Variants in RAPGEF4 observed in about 807,000 individuals in gnomAD.
The protein encoded by RAPGEF4 is Rap guanine nucleotide exchange factor 4, also known as RAP guanine-nucleotide-exchange factor (GEF) 4.
In RAPGEF4, 66 loss-of-function variants were observed where a neutral mutation model predicts 147.9. That is an observed-to-expected ratio of 0.45 (90% CI 0.37 to 0.55). The LOEUF (loss-of-function observed/expected upper bound fraction) is 0.55. RAPGEF4 is among the 20% of genes least tolerant of loss of function. The pLI, the probability that RAPGEF4 is intolerant of heterozygous loss-of-function variation, is 0.00. For missense variants in RAPGEF4, 1,071 were observed against 1,257.3 expected (o/e 0.85, Z 2.24); for synonymous variants, 419 against 442.7 (o/e 0.95, Z 0.67).
At chr2:172,832,363 G>A (rs1690453810) in intron 4 of RAPGEF4, among the ~76,000 whole-genome samples, 1 of 152,070 alleles carries the variant, frequency 6.6e-6, no homozygotes, top group Non-Finnish European at 1.5e-5. Context: ...GTACAGACAA[G>A]GCTAACTACA....
intron 6 of RAPGEF4, among the ~76,000 whole-genome samples, chr2:172,954,133 C>T (rs1175404977): frequency 1.3e-5 from 2 of 152,108 alleles, no homozygotes; most frequent in Non-Finnish European, 2.9e-5. Context: ...AGGTAAAACT[C>T]ACATAGTGTG....
At chr2:172,916,025 T>C (rs1451752907) in intron 4 of RAPGEF4, among the ~76,000 whole-genome samples, 1 of 152,164 alleles carries the variant, frequency 6.6e-6, no homozygotes, top group Non-Finnish European at 1.5e-5. Context: ...TAGTAGATGC[T>C]CAATATGCAC....
At chr2:172,759,292 A>G (rs1415539149) in intron 1 of RAPGEF4, among the ~76,000 whole-genome samples, 3 of 152,236 alleles carry the variant, frequency 2.0e-5, no homozygotes, top group Non-Finnish European at 4.4e-5. Context: ...TTTTGCATAC[A>G]AAGTGCAGGG....
chr2:172,857,873 C>G (rs1231966253), intron 4 of RAPGEF4, among the ~76,000 whole-genome samples: 2 of 94,538 alleles, frequency 2.1e-5, no homozygotes, highest in Admixed American at 1.6e-4. Context: ...CAGAGCAAGA[C>G]CCTGTCTCAA....
Position 173,048,603 on chromosome 2 carries a change from A to T in RAPGEF4, c.2857A>T (p.Met953Leu). The change falls in exon 30 of 31, where the codon ATG becomes TTG. Residue 953 changes from methionine to leucine, a missense_variant. Transcript: ENST00000397081. ...DNLVNFEKMRMIANTARTVRY... is the reference protein window; with the variant it reads ...DNLVNFEKMRLIANTARTVRY... ...CTTTTTTCTATATTCCTTTTAGCGC[A>T]TGATTGCAAATACGGCCAGAACAGT... 1 of 1,614,088 alleles carries T rather than the reference A, an allele frequency of 6.2e-7. No homozygotes were observed. Among genetic ancestry groups the T allele is most frequent in the Non-Finnish European group, 8.5e-7 (1 of 1,180,008 alleles).
At chr2:172,891,461 C>T (rs911804004) in intron 4 of RAPGEF4, among the ~76,000 whole-genome samples, 1 of 152,134 alleles carries the variant, frequency 6.6e-6, no homozygotes, top group Non-Finnish European at 1.5e-5. Context: ...CTTTAATTTC[C>T]TTTATGGCCC....
At chr2:172,885,922 C>A (rs1697157072) in intron 4 of RAPGEF4, among the ~76,000 whole-genome samples, 1 of 152,202 alleles carries the variant, frequency 6.6e-6, no homozygotes, top group Non-Finnish European at 1.5e-5. Context: ...CCTAATGCAT[C>A]TCGGTGCCCT....
intron 15 of RAPGEF4, among the ~76,000 whole-genome samples, chr2:172,994,910 T>C (rs947708597): frequency 2.0e-5 from 3 of 152,130 alleles, no homozygotes; most frequent in African/African-American, 7.2e-5. Context: ...AAGCCAGGTT[T>C]CCTCAAAGAC....
At chr2:173,026,817 G>T (rs532771077) in intron 24 of RAPGEF4, 120 bp downstream of exon 24, 2 of 1,332,868 alleles carry the variant, frequency 1.5e-6, no homozygotes, top group South Asian at 2.9e-5. Context: ...CCATTTTTTT[G>T]CATACTGAGC....
chr2:172,940,089 G>A (rs1018114162), intron 6 of RAPGEF4, among the ~76,000 whole-genome samples: 4 of 152,018 alleles, frequency 2.6e-5, no homozygotes, highest in African/African-American at 9.7e-5. Context: ...AGAGATACTG[G>A]TCAGGCATTT....
At chr2:172,775,528 CA>C (rs1271325462) in intron 1 of RAPGEF4, among the ~76,000 whole-genome samples, 1 of 152,164 alleles carries the variant, frequency 6.6e-6, no homozygotes, top group Non-Finnish European at 1.5e-5. Flanking sequence ...TCATTCTATG[CA>C]GTGAGGCATA....
intron 4 of RAPGEF4, among the ~76,000 whole-genome samples, chr2:172,859,365 A>G (rs142198934): frequency 6.6e-6 from 1 of 152,264 alleles, no homozygotes; most frequent in Non-Finnish European, 1.5e-5. Flanking sequence ...ATGAAAATGT[A>G]CTCTGATATA....
chr2:172,910,131 C>T (rs564287352), intron 4 of RAPGEF4, among the ~76,000 whole-genome samples: 5 of 152,304 alleles, frequency 3.3e-5, no homozygotes, highest in African/African-American at 7.2e-5. Context: ...CAGCAAAGAG[C>T]GCTTCAGGCT....
chr2:172,906,391 G>T (rs1218704489), intron 4 of RAPGEF4, among the ~76,000 whole-genome samples: 5 of 152,128 alleles, frequency 3.3e-5, no homozygotes, highest in Non-Finnish European at 7.4e-5. Flanking sequence ...CCTATTCTGA[G>T]CACACCCCCA....
intron 6 of RAPGEF4, among the ~76,000 whole-genome samples, chr2:172,944,798 T>G (rs2105349899): frequency 6.6e-6 from 1 of 152,314 alleles, no homozygotes; most frequent in East Asian, 1.9e-4. Context: ...GTCCACAGTT[T>G]AAGTTCCTAG....
chr2:172,787,107 G>A (rs1310823533), intron 1 of RAPGEF4, among the ~76,000 whole-genome samples: 2 of 152,136 alleles, frequency 1.3e-5, no homozygotes, highest in Non-Finnish European at 2.9e-5. Context: ...AGCTACTTGG[G>A]AGGCTGAGGC....
intron 17 of RAPGEF4, among the ~76,000 whole-genome samples, chr2:173,011,166 G>GCA (rs796705219): frequency 0.027 from 1,949 of 72,088 alleles, 56 homozygotes; most frequent in African/African-American, 0.094. Context: ...TTCAGCGCGC[G>GCA]CGCGCACACA....
At chr2:173,020,587 A>G in intron 22 of RAPGEF4, 31 bp from the exon 23 acceptor site, 2 of 1,554,978 alleles carry the variant, frequency 1.3e-6, no homozygotes, top group Non-Finnish European at 1.8e-6. Flanking sequence ...GATGTATTTA[A>G]TAGGCAATCT....
chr2:172,754,843 C>A (rs1340335493), intron 1 of RAPGEF4, among the ~76,000 whole-genome samples: 1 of 152,160 alleles, frequency 6.6e-6, no homozygotes, highest in African/African-American at 2.4e-5. Flanking sequence ...GAGATGGAGA[C>A]CATCCTGGCT....
Sources: allele counts gnomAD v4.1 joint callset (sites outside exome capture counted in the v4.1 genomes callset), GRCh38; gene constraint gnomAD v4.1.1; transcripts MANE v1.5; gene names NCBI Gene and HGNC (gene_info 2026-07-23, HGNC 2026-07-21).